Variants in LRRTM4 observed in about 807,000 individuals in gnomAD.
LRRTM4 encodes the protein leucine rich repeat transmembrane neuronal 4, also known as leucine-rich repeat transmembrane neuronal protein 4.
LRRTM4 carries 25 observed loss-of-function variants against 47.6 expected under a neutral mutation model. The observed-to-expected ratio is 0.53, with a 90% CI of 0.38 to 0.73. The LOEUF is 0.73. Ranked by LOEUF, LRRTM4 falls within the 30% of genes least tolerant of loss-of-function variation. The probability of loss-of-function intolerance (pLI) is 0.00; values close to 1 mark genes in which losing one functional copy is unlikely to be tolerated. For missense variants in LRRTM4, 638 were observed against 713.4 expected (o/e 0.89, Z 1.20); for synonymous variants, 311 against 269.5 (o/e 1.15, Z -1.51).
intron 3 of LRRTM4, among the ~76,000 whole-genome samples, chr2:77,260,578 T>G (rs1454181083): frequency 6.6e-6 from 1 of 152,112 alleles, no homozygotes; most frequent in East Asian, 1.9e-4. Context: ...GATTCTAATT[T>G]GCCATCATTT....
chr2:76,830,976 A>C (rs1671334263), intron 3 of LRRTM4, among the ~76,000 whole-genome samples: 1 of 152,106 alleles, frequency 6.6e-6, no homozygotes, highest in Non-Finnish European at 1.5e-5. Flanking sequence ...TTCTGTGGTT[A>C]CAACTTAGCA....
chr2:76,980,856 T>C (rs1016137403), intron 3 of LRRTM4, among the ~76,000 whole-genome samples: 3 of 152,070 alleles, frequency 2.0e-5, no homozygotes, highest in African/African-American at 7.2e-5. Context: ...ATTTCTCTGT[T>C]ACATTATATT....
chr2:77,466,953 C>G lies in LRRTM4; in HGVS notation c.1551+51365G>C, dbSNP rs368831903. 6.5e-4 allele frequency among the ~76,000 whole-genome samples: 99 copies of G among 152,120 alleles called. 3 individuals carry two copies. The South Asian group carries it at 0.02, about 31-fold the overall frequency. On this transcript the variant is annotated intron_variant, in intron 3 of 3. Transcript: ENST00000409884. ...ACCTCAAGTGATCCACCTGCCTTAG[C>G]CTCCCAAGTGCTGGGATTGCAAACG...
chr2:77,216,095 C>CTG (rs74990340), intron 3 of LRRTM4, among the ~76,000 whole-genome samples: 1 of 151,704 alleles, frequency 6.6e-6, no homozygotes, highest in African/African-American at 2.4e-5. Context: ...AACTGCCCCC[C>CTG]CACCCAGCAA....
intron 3 of LRRTM4, among the ~76,000 whole-genome samples, chr2:76,980,478 G>A (rs941378187): frequency 1.3e-5 from 2 of 152,102 alleles, no homozygotes; most frequent in Non-Finnish European, 2.9e-5. Context: ...AGATGGAATA[G>A]TCCTACTACC....
intron 3 of LRRTM4, among the ~76,000 whole-genome samples, chr2:77,516,042 C>T: frequency 6.6e-6 from 1 of 151,820 alleles, no homozygotes; most frequent in Non-Finnish European, 1.5e-5. Flanking sequence ...CCCCCCTCCT[C>T]ATCCTAAATG....
In LRRTM4 at chr2:77,522,216, A is replaced by G; in HGVS notation, c.-255T>C. ...GGCCTCCTGTGCTGTATGAGACCCCAGTTTAAAAGCTATGCAGGCTAGGTT... is the reference window on the plus strand; with the variant it reads ...GGCCTCCTGTGCTGTATGAGACCCCGGTTTAAAAGCTATGCAGGCTAGGTT... On this transcript the variant is annotated 5_prime_UTR_variant, in exon 1 of 4. Transcript: ENST00000409884. 1 of 690,986 alleles carries G rather than the reference A, an allele frequency of 1.4e-6. No individual in the cohort carries two copies. The highest frequency in any genetic ancestry group is 2.7e-6 in the Non-Finnish European group (1 of 373,256). 42.8% of individuals were successfully genotyped at this position (690,986 alleles called of 1,614,324 possible).
intron 3 of LRRTM4, among the ~76,000 whole-genome samples, chr2:77,114,207 G>A (rs1046824374): frequency 1.3e-5 from 2 of 152,142 alleles, no homozygotes; most frequent in African/African-American, 4.8e-5. Flanking sequence ...ACCCCACACA[G>A]TGATGGGAAC....
chr2:77,494,052 G>T (rs1678267669), intron 3 of LRRTM4, among the ~76,000 whole-genome samples: 1 of 152,038 alleles, frequency 6.6e-6, no homozygotes, highest in Non-Finnish European at 1.5e-5. Flanking sequence ...TTAGTTAATA[G>T]AAATCTCCAT....
Position 77,519,786 on chromosome 2 carries a change from G to A in LRRTM4, c.83C>T (p.Thr28Met), listed in dbSNP as rs1396734599. 1.9e-6 allele frequency: 3 copies of A among 1,613,056 alleles called. No homozygotes were observed. Among genetic ancestry groups the A allele is most frequent in the South Asian group, 1.1e-5 (1 of 91,056 alleles). Reference protein sequence around the residue: ...LLPTLLLVMLTGAQRACPKNC... With the variant: ...LLPTLLLVMLMGAQRACPKNC... ...CTTTGGGCAAGCTCTCTGAGCACCCGTGAGCATAACAAGCAGCAGTGTAGG... is the reference window on the plus strand; with the variant it reads ...CTTTGGGCAAGCTCTCTGAGCACCCATGAGCATAACAAGCAGCAGTGTAGG... The change falls in exon 3 of 4, where the codon ACG (threonine) becomes ATG (methionine). Residue 28 changes from threonine (T) to methionine (M), a missense_variant. Physicochemically the swap from Thr to Met is moderately conservative, Grantham distance 81 (BLOSUM62 -1). Coordinates refer to ENST00000409884, the MANE Select transcript of LRRTM4 (RefSeq NM_001134745.3). The surrounding 1 kb of genome is among the most constrained non-coding windows in gnomAD (Gnocchi z 4.6).
chr2:77,495,480 C>G (rs962418699), intron 3 of LRRTM4, among the ~76,000 whole-genome samples: 4 of 151,974 alleles, frequency 2.6e-5, no homozygotes, highest in African/African-American at 9.7e-5. Context: ...AACGTAAGGT[C>G]ACCATTAATT....
At chr2:76,776,468 T>C (rs1673999241) in intron 3 of LRRTM4, among the ~76,000 whole-genome samples, 2 of 152,142 alleles carry the variant, frequency 1.3e-5, no homozygotes, top group Admixed American at 6.5e-5. Context: ...TGTGAGATGG[T>C]ATCTCATTGT....
intron 3 of LRRTM4, among the ~76,000 whole-genome samples, chr2:77,453,371 C>T (rs1005976804): frequency 2.6e-5 from 4 of 151,574 alleles, no homozygotes; most frequent in Admixed American, 6.6e-5. Flanking sequence ...TTAGTAGAGA[C>T]GGGGTTCACC....
At chr2:77,214,146 G>A (rs571196943) in intron 3 of LRRTM4, among the ~76,000 whole-genome samples, 1 of 152,258 alleles carries the variant, frequency 6.6e-6, no homozygotes, top group East Asian at 1.9e-4. Context: ...GAGAGTACAT[G>A]ATCTTATGTG....
chr2:76,940,470 A>G (rs750769195), intron 3 of LRRTM4, among the ~76,000 whole-genome samples: 10 of 152,104 alleles, frequency 6.6e-5, no homozygotes, highest in Non-Finnish European at 1.0e-4. Context: ...GGAACAATAG[A>G]CACTCAGGTC....
At chr2:76,907,069 C>G (rs924209768) in intron 3 of LRRTM4, among the ~76,000 whole-genome samples, 2 of 152,028 alleles carry the variant, frequency 1.3e-5, no homozygotes, top group South Asian at 2.1e-4. Context: ...CACACCTATT[C>G]CAAAATTAAC....
chr2:76,829,834 G>C (rs79296117), intron 3 of LRRTM4, among the ~76,000 whole-genome samples: 1 of 151,716 alleles, frequency 6.6e-6, no homozygotes, highest in African/African-American at 2.4e-5. Context: ...AATTCATCAG[G>C]GTTGTGGAAA....
chr2:76,912,429 T>G (rs1027677254), intron 3 of LRRTM4, among the ~76,000 whole-genome samples: 3 of 152,206 alleles, frequency 2.0e-5, no homozygotes, highest in African/African-American at 7.2e-5. Flanking sequence ...AAATAGTGCT[T>G]GGATAAGTCT....
At chr2:77,464,675 G>T (rs564477942) in intron 3 of LRRTM4, among the ~76,000 whole-genome samples, 1 of 151,966 alleles carries the variant, frequency 6.6e-6, no homozygotes. Context: ...CAGAACTCTC[G>T]TGGTGAGGTC....
Sources: gnomAD v4.1 joint callset for allele counts (sites outside exome capture counted in the v4.1 genomes callset) on GRCh38, gnomAD v4.1.1 for gene constraint, Gnocchi (gnomAD v3.1) non-coding constraint, MANE v1.5 for transcripts, NCBI Gene and HGNC (gene_info 2026-07-23, HGNC 2026-07-21) for gene names.